The following ITSN1 variants were observed in gnomAD, a reference collection of about 807,000 sequenced individuals.
ITSN1 encodes the protein intersectin-1.
Under a neutral mutation model 239.8 loss-of-function variants are expected in ITSN1, and 58 were observed. The ratio of observed to expected loss-of-function variants is 0.24; its 90% CI spans 0.20 to 0.30. ITSN1 has a LOEUF of 0.30. ITSN1 is among the 10% of genes least tolerant of loss of function. The pLI, the probability that ITSN1 is intolerant of heterozygous loss-of-function variation, is 1.00. For missense variants in ITSN1, 1,558 were observed against 2,103.3 expected, an observed-to-expected ratio of 0.74 and a Z score of 5.07; for synonymous variants, 780 against 770.8, an observed-to-expected ratio of 1.01 and a Z score of -0.20.
intron 1 of ITSN1, among the ~76,000 whole-genome samples, chr21:33,687,398 TAAAAAAAAAAAAAAAAAA>T (rs58230508): frequency 1.2e-5 from 1 of 81,344 alleles, no homozygotes; most frequent in African/African-American, 5.4e-5. Flanking sequence ...AACTCCATCT[TAAAAAAAAAAAAAAAAAA>T]AAAAAAAAAA....
At position 33,834,432 on chromosome 21, in the gene ITSN1, G is replaced by GT; in HGVS notation, c.3469+11dup. ...CAACAGCATTAGCGGCAGGTAAGGA[G>GT]TTTCGCATCTCTAACTGGAAGATGG... On this transcript the variant is annotated intron_variant, in intron 28 of 39. Coordinates refer to ENST00000381318, the MANE Select transcript of ITSN1 (RefSeq NM_003024.3). The GT allele has an allele frequency of 1.3e-6, 2 of 1,578,286 alleles. No homozygotes were observed. Among genetic ancestry groups the GT allele is most frequent in the Non-Finnish European group, 1.7e-6 (2 of 1,151,180 alleles).
intron 1 of ITSN1, among the ~76,000 whole-genome samples, chr21:33,691,359 A>G (rs112856725): frequency 2.6e-5 from 4 of 152,376 alleles, no homozygotes; most frequent in African/African-American, 7.2e-5. Context: ...ACCTGGGACA[A>G]TTCTAACTAA....
chr21:33,731,429 A>T (rs1267527013), intron 4 of ITSN1, among the ~76,000 whole-genome samples: 1 of 152,248 alleles, frequency 6.6e-6, no homozygotes, highest in East Asian at 1.9e-4. Context: ...CGTATCTTTT[A>T]AAAAACTACT....
At chr21:33,838,051 A>G in intron 29 of ITSN1, 1 of 985,806 alleles carries the variant, frequency 1.0e-6, no homozygotes. Flanking sequence ...ACATTTTTTA[A>G]CTAGACTGTG....
chr21:33,731,187 T>C (rs556569713), intron 4 of ITSN1, among the ~76,000 whole-genome samples: 6 of 152,312 alleles, frequency 3.9e-5, no homozygotes, highest in African/African-American at 1.4e-4. Flanking sequence ...ATGAAAACAC[T>C]TCTGTAGGAC....
At chr21:33,748,803 T>C (rs180712923) in intron 5 of ITSN1, among the ~76,000 whole-genome samples, 3 of 152,184 alleles carry the variant, frequency 2.0e-5, no homozygotes, top group Admixed American at 1.3e-4. Flanking sequence ...AGGTGAAGGC[T>C]ACAGTGAGCT....
intron 14 of ITSN1, among the ~76,000 whole-genome samples, chr21:33,780,788 C>T (rs528867503): frequency 2.3e-4 from 35 of 152,256 alleles, no homozygotes; most frequent in South Asian, 4.1e-4. Flanking sequence ...AGGATATTTT[C>T]GGCTAAATTT....
At chr21:33,888,060 A>C in intron 39 of ITSN1, 92 bp from the exon 40 acceptor site, 1 of 1,283,700 alleles carries the variant, frequency 7.8e-7, no homozygotes, top group South Asian at 1.4e-5. Flanking sequence ...GGAGAGCATA[A>C]CAGTTCATCA....
intron 4 of ITSN1, among the ~76,000 whole-genome samples, chr21:33,729,614 C>T (rs945497700): frequency 3.9e-5 from 6 of 152,020 alleles, no homozygotes; most frequent in African/African-American, 1.2e-4. Context: ...TTTTCTCCAA[C>T]GATGATTTTG....
intron 15 of ITSN1, 96 bp downstream of exon 15, chr21:33,781,644 A>G (rs376262615): frequency 6.7e-5 from 47 of 702,584 alleles, no homozygotes; most frequent in Admixed American, 3.3e-4. Flanking sequence ...GCAGTGGCGC[A>G]ATCTCGGCCA....
chr21:33,890,083 A>AT lies in ITSN1; in HGVS notation c.*1786dup. 6.6e-6 allele frequency: 1 copy of AT among 152,312 alleles called. No individual in the cohort carries two copies. Among genetic ancestry groups the AT allele is most frequent in the South Asian group, 2.1e-4 (1 of 4,832 alleles). The allele number at this position is 152,312 out of a possible 1,614,324, so 9.4% of individuals were successfully genotyped here. A position where few individuals can be genotyped will look rare whatever the true frequency, so the allele number is the denominator to read the frequency against. The stretch of plus-strand genomic sequence containing the variant: ...AACTTCAGGCATGCATTTGTTTACC[A>AT]TTTCCCAGCAGAAAACATGGTTAAA... On this transcript the variant is annotated 3_prime_UTR_variant, in exon 40 of 40. Coordinates refer to ENST00000381318, the MANE Select transcript of ITSN1 (RefSeq NM_003024.3).
intron 32 of ITSN1, among the ~76,000 whole-genome samples, chr21:33,866,235 C>T (rs1981551974): frequency 1.3e-5 from 2 of 152,168 alleles, no homozygotes; most frequent in Non-Finnish European, 2.9e-5. Context: ...TGGTGTTTCT[C>T]AGCCTAGACT....
chr21:33,723,520 A>T (rs2065628699), intron 4 of ITSN1, among the ~76,000 whole-genome samples: 1 of 152,192 alleles, frequency 6.6e-6, no homozygotes, highest in Admixed American at 6.5e-5. Flanking sequence ...AGGCTGAGGC[A>T]GGAGAATGAT....
At chr21:33,795,861 T>C (rs1211359781) in intron 17 of ITSN1, among the ~76,000 whole-genome samples, 1 of 151,804 alleles carries the variant, frequency 6.6e-6, no homozygotes, top group African/African-American at 2.4e-5. Flanking sequence ...ATTCCAATTA[T>C]ATAGATAAAA....
chr21:33,686,006 A>G (rs2091217525), intron 1 of ITSN1, among the ~76,000 whole-genome samples: 2 of 152,202 alleles, frequency 1.3e-5, no homozygotes, highest in South Asian at 4.1e-4. Context: ...TTAGTACTTA[A>G]GCATAGAAAA....
intron 1 of ITSN1, among the ~76,000 whole-genome samples, chr21:33,654,384 C>T (rs1327111595): frequency 1.3e-5 from 2 of 151,996 alleles, no homozygotes; most frequent in Admixed American, 6.6e-5. Context: ...CTTTAATTAT[C>T]TTAAGTTCTG....
chr21:33,875,602 G>T, intron 34 of ITSN1, 81 bp downstream of exon 34: 1 of 1,368,918 alleles, frequency 7.3e-7, no homozygotes. Flanking sequence ...AGAAAAGCAT[G>T]AACCATTCTC....
chr21:33,783,782 C>G (rs1236091681), intron 16 of ITSN1, among the ~76,000 whole-genome samples: 1 of 151,090 alleles, frequency 6.6e-6, no homozygotes, highest in African/African-American at 2.4e-5. Context: ...AAGCTCTCTT[C>G]TGAACCCAGG....
chr21:33,789,153 A>G (rs2070903358), intron 16 of ITSN1, among the ~76,000 whole-genome samples: 1 of 152,144 alleles, frequency 6.6e-6, no homozygotes, highest in Non-Finnish European at 1.5e-5. Context: ...TAATTTGAAA[A>G]AGTTAATGTA....
Sources: gnomAD v4.1 joint callset for allele counts (sites outside exome capture counted in the v4.1 genomes callset) on GRCh38, gnomAD v4.1.1 for gene constraint, MANE v1.5 for transcripts, NCBI Gene and HGNC (gene_info 2026-07-23, HGNC 2026-07-21) for gene names.